Variants in NAA40 observed in about 807,000 individuals in gnomAD.
NAA40 encodes N-alpha-acetyltransferase 40, NatD catalytic subunit.
Under a neutral mutation model 36.6 loss-of-function variants are expected in NAA40, and 26 were observed. That is an observed-to-expected ratio of 0.71 (90% confidence interval 0.52 to 0.98). NAA40 has a LOEUF of 0.98. Among genes scored for constraint, NAA40 ranks in the 50% least tolerant of loss-of-function variants. NAA40 has a pLI of 0.00. For missense variants in NAA40, 237 were observed against 306.5 expected, an observed-to-expected ratio of 0.77 and a Z score of 1.69; for synonymous variants, 129 against 108.4, an observed-to-expected ratio of 1.19 and a Z score of -1.18.
chr11:63,942,575 G>T (rs1450065052), intron 1 of NAA40, among the ~76,000 whole-genome samples: 7 of 152,144 alleles, frequency 4.6e-5, no homozygotes, highest in African/African-American at 7.2e-5. Context: ...AGCTCCCTTG[G>T]AAAAGACACT....
intron 3 of NAA40, 112 bp downstream of exon 3, chr11:63,947,115 G>A (rs1020732800): frequency 2.2e-5 from 26 of 1,172,992 alleles, no homozygotes; most frequent in Non-Finnish European, 3.0e-5. Flanking sequence ...TCGTATTTAC[G>A]AAAAAACAGG....
rs1475815330 is a variant in NAA40, at chr11:63,955,869, C to T, written c.*1390C>T. ...ACAGCTCCCTTTGGATATCCCTGAGCTCTGCTGTGGGGAGTATCATAAAGG... is the reference window on the plus strand; with the variant it reads ...ACAGCTCCCTTTGGATATCCCTGAGTTCTGCTGTGGGGAGTATCATAAAGG... On this transcript the variant is annotated 3_prime_UTR_variant, in exon 8 of 8. Coordinates refer to ENST00000377793, the MANE Select transcript of NAA40 (RefSeq NM_024771.4). The T allele has an allele frequency of 6.6e-6, 1 of 152,304 alleles. No homozygotes were observed. The highest frequency in any genetic ancestry group is 2.4e-5 in the African/African-American group (1 of 41,474). The allele number at this position is 152,304 out of a possible 1,614,324, so 9.4% of individuals were successfully genotyped here.
At chr11:63,952,703 C>T in intron 5 of NAA40, 53 bp from the exon 6 acceptor site, 1 of 1,606,862 alleles carries the variant, frequency 6.2e-7, no homozygotes, top group Non-Finnish European at 8.5e-7. Flanking sequence ...CCAGACCTTA[C>T]AGCCTCTTCA....
intron 1 of NAA40, among the ~76,000 whole-genome samples, chr11:63,940,873 T>C (rs896959944): frequency 1.3e-4 from 20 of 152,218 alleles, no homozygotes; most frequent in Non-Finnish European, 2.2e-4. Flanking sequence ...AACCTAAATT[T>C]TGGTGAAAGG....
chr11:63,947,517 G>A (rs1377656116), intron 3 of NAA40, among the ~76,000 whole-genome samples: 1 of 152,124 alleles, frequency 6.6e-6, no homozygotes. Context: ...AGCAAAGATT[G>A]CACTTAATCT....
rs1473623506 is a variant in NAA40 at position 63,939,013 on chromosome 11, T to C, written c.-84T>C. 33 of 1,361,906 alleles carry C rather than the reference T, an allele frequency of 2.4e-5. 1 individual carries two copies. The East Asian group carries it at 4.4e-4, about 18-fold the overall frequency. 84.4% of individuals were successfully genotyped at this position (1,361,906 alleles called of 1,614,324 possible). A position where few individuals can be genotyped will look rare whatever the true frequency, so the allele number is the denominator to read the frequency against. On this transcript the variant is annotated 5_prime_UTR_variant, in exon 1 of 8. Transcript: ENST00000377793. ...CGCGTTGCAGGGCCGTCCGCTCTGC[T>C]GCCGCCGCTGTTGCAGCCACCGCCG...
chr11:63,953,560 T>C (rs1201629721), intron 6 of NAA40, among the ~76,000 whole-genome samples: 1 of 152,136 alleles, frequency 6.6e-6, no homozygotes. Context: ...GGAACACTCG[T>C]GTGGGTGAAA....
At position 63,954,066 on chromosome 11, in the gene NAA40, G is replaced by A. The variant is rs1415180361; in HGVS notation, c.572+17G>A. On this transcript the variant is annotated intron_variant, in intron 7 of 7. Coordinates refer to ENST00000377793, the MANE Select transcript of NAA40 (RefSeq NM_024771.4). Reference sequence around the variant, plus strand: ...AGCGTTGCAGTAAGGAGCTGGGTGTGGGCCCTTCTGGGTGGTAGGTGGGCC... The same window carrying A: ...AGCGTTGCAGTAAGGAGCTGGGTGTAGGCCCTTCTGGGTGGTAGGTGGGCC... 1 of 1,613,220 alleles carries A rather than the reference G, an allele frequency of 6.2e-7. No homozygotes were observed. The highest frequency in any genetic ancestry group is 1.3e-5 in the African/African-American group (1 of 74,936).
At chr11:63,939,730 T>A (rs1268711963) in intron 1 of NAA40, among the ~76,000 whole-genome samples, 1 of 152,126 alleles carries the variant, frequency 6.6e-6, no homozygotes, top group Non-Finnish European at 1.5e-5. Flanking sequence ...CTGGTTGCAA[T>A]GAAATGGTTC....
At chr11:63,939,619 AG>A (rs147533861) in intron 1 of NAA40, 9,690 of 372,924 alleles carry the variant, frequency 0.026, 937 homozygotes, top group African/African-American at 0.2. Flanking sequence ...GTCTCAGCGA[AG>A]CCGGTTCCCC....
intron 2 of NAA40, chr11:63,946,698 T>C (rs1942192139): frequency 6.7e-7 from 1 of 1,499,388 alleles, no homozygotes; most frequent in South Asian, 1.2e-5. Context: ...GCCCACAGGC[T>C]AATGAGGTCT....
At chr11:63,940,817 G>A (rs993796108) in intron 1 of NAA40, among the ~76,000 whole-genome samples, 6 of 152,112 alleles carry the variant, frequency 3.9e-5, no homozygotes, top group East Asian at 1.9e-4. Context: ...TGGGTATTAC[G>A]TACTTCATAT....
intron 1 of NAA40, among the ~76,000 whole-genome samples, chr11:63,945,614 C>G (rs894223369): frequency 1.3e-5 from 2 of 152,122 alleles, no homozygotes; most frequent in African/African-American, 2.4e-5. Context: ...ACGGCCAGTG[C>G]TCTTTCTGAA....
At chr11:63,953,559 G>A (rs1942315425) in intron 6 of NAA40, among the ~76,000 whole-genome samples, 4 of 152,316 alleles carry the variant, frequency 2.6e-5, no homozygotes, top group East Asian at 1.9e-4. Context: ...AGGAACACTC[G>A]TGTGGGTGAA....
intron 6 of NAA40, among the ~76,000 whole-genome samples, chr11:63,953,140 C>G (rs1245480361): frequency 6.7e-6 from 1 of 149,086 alleles, no homozygotes; most frequent in East Asian, 2.0e-4. Flanking sequence ...CCTCCACGTA[C>G]CGGGTTTAAG....
intron 6 of NAA40, among the ~76,000 whole-genome samples, chr11:63,953,142 G>A (rs1266948124): frequency 4.8e-5 from 7 of 146,844 alleles, no homozygotes; most frequent in South Asian, 2.1e-4. Flanking sequence ...TCCACGTACC[G>A]GGTTTAAGCA....
chr11:63,939,227 C>G, intron 1 of NAA40, 125 bp downstream of exon 1: 1 of 1,240,358 alleles, frequency 8.1e-7, no homozygotes, highest in Non-Finnish European at 1.0e-6. Context: ...ACCCCTGACC[C>G]CCACATGACC....
At chr11:63,941,486 T>G (rs2134265420) in intron 1 of NAA40, among the ~76,000 whole-genome samples, 1 of 152,298 alleles carries the variant, frequency 6.6e-6, no homozygotes, top group African/African-American at 2.4e-5. Flanking sequence ...ATACTGAAAA[T>G]CTAAGAGATG....
Position 63,944,677 on chromosome 11 carries a change from C to T in NAA40, c.7-1163C>T, listed in dbSNP as rs765944060. Among the ~76,000 whole-genome samples, 185 of 151,984 alleles carry T rather than the reference C, an allele frequency of 1.2e-3. 1 individual carries two copies. Among genetic ancestry groups the T allele is most frequent in the Non-Finnish European group, 2.3e-3 (158 of 67,946 alleles). On this transcript the variant is annotated intron_variant, in intron 1 of 7. Coordinates refer to ENST00000377793, the MANE Select transcript of NAA40 (RefSeq NM_024771.4). ...CAGCACTTTGTGAGGCTGAGGCAGG[C>T]GGATTACTTGAGGTCAGGAGTTAGT...
Sources: allele counts gnomAD v4.1 joint callset (sites outside exome capture counted in the v4.1 genomes callset), GRCh38; gene constraint gnomAD v4.1.1; transcripts MANE v1.5; gene names NCBI Gene and HGNC (gene_info 2026-07-23, HGNC 2026-07-21).